Variants in ATG10 observed in about 807,000 individuals in gnomAD.
ATG10 encodes ubiquitin-like-conjugating enzyme ATG10.
A neutral mutation model predicts 32.1 loss-of-function variants in ATG10; 30 were observed. The observed-to-expected ratio is 0.94, with a 90% CI of 0.70 to 1.27. The LOEUF (loss-of-function observed/expected upper bound fraction) is 1.27, where lower values mean the gene tolerates loss of function less well. ATG10 is among the 50% of genes most tolerant of loss of function. The pLI is 0.00. For synonymous variants in ATG10, 87 were observed against 91.5 expected (o/e 0.95, Z 0.28); for missense variants, 233 against 262.3 (o/e 0.89, Z 0.77).
At chr5:82,187,889 A>G (rs891703757) in intron 5 of ATG10, among the ~76,000 whole-genome samples, 4 of 152,138 alleles carry the variant, frequency 2.6e-5, no homozygotes, top group African/African-American at 7.2e-5. Context: ...CACCTGGCCA[A>G]TGACTTATTT....
At chr5:82,241,920 CAGGCAG>C (rs1746820610) in intron 5 of ATG10, among the ~76,000 whole-genome samples, 1 of 152,012 alleles carries the variant, frequency 6.6e-6, no homozygotes, top group Admixed American at 6.5e-5. Context: ...TCCTAGGTAC[CAGGCAG>C]AAGCATATAT....
chr5:82,217,852 C>A (rs1173778209), intron 5 of ATG10, among the ~76,000 whole-genome samples: 1 of 151,574 alleles, frequency 6.6e-6, no homozygotes, highest in East Asian at 1.9e-4. Flanking sequence ...TAGTGTGCAC[C>A]TGTGGTTCTA....
rs1581855655 is a variant in ATG10 at position 82,255,269 on chromosome 5, A to T, written c.*1206A>T. 2.6e-5 allele frequency: 4 copies of T among 152,162 alleles called. No individual in the cohort carries two copies. The South Asian group carries it at 8.3e-4, about 32-fold the overall frequency. 9.4% of individuals were successfully genotyped at this position (152,162 alleles called of 1,614,324 possible). ...CATGAGATCATTAATGCATGATAAGATATTGTAAAGTATTATACGAATATT... is the reference window on the plus strand; with the variant it reads ...CATGAGATCATTAATGCATGATAAGTTATTGTAAAGTATTATACGAATATT... On this transcript the variant is annotated 3_prime_UTR_variant, in exon 8 of 8. Transcript: ENST00000282185.
chr5:82,019,330 A>G (rs1181551908), intron 2 of ATG10, among the ~76,000 whole-genome samples: 1 of 152,142 alleles, frequency 6.6e-6, no homozygotes, highest in Non-Finnish European at 1.5e-5. Flanking sequence ...TTCTATAATG[A>G]TATGCAGCAT....
intron 2 of ATG10, among the ~76,000 whole-genome samples, chr5:81,988,963 C>G (rs1254317731): frequency 6.6e-6 from 1 of 152,040 alleles, no homozygotes; most frequent in Non-Finnish European, 1.5e-5. Flanking sequence ...CAAGTAGTAG[C>G]TGGGATTTTA....
chr5:82,105,016 G>C (rs1050764762), intron 3 of ATG10, among the ~76,000 whole-genome samples: 2 of 152,066 alleles, frequency 1.3e-5, no homozygotes, highest in Non-Finnish European at 2.9e-5. Flanking sequence ...TTATTGTGGC[G>C]AACACCTAAC....
chr5:82,212,976 A>G (rs753034701), intron 5 of ATG10, among the ~76,000 whole-genome samples: 49 of 152,326 alleles, frequency 3.2e-4, no homozygotes, highest in Middle Eastern at 3.4e-3. Flanking sequence ...TAAACCAGCA[A>G]TACGATAATT....
At chr5:82,082,220 C>A (rs534414852) in intron 3 of ATG10, among the ~76,000 whole-genome samples, 1 of 152,128 alleles carries the variant, frequency 6.6e-6, no homozygotes, top group Non-Finnish European at 1.5e-5. Context: ...AGCTCCTGCC[C>A]TCTAAACATC....
At chr5:82,203,643 A>G (rs1745165312) in intron 5 of ATG10, among the ~76,000 whole-genome samples, 1 of 152,102 alleles carries the variant, frequency 6.6e-6, no homozygotes, top group East Asian at 1.9e-4. Flanking sequence ...TTTGTCTGTA[A>G]GCCAGGGGAG....
At chr5:82,156,514 G>T (rs990372445) in intron 3 of ATG10, among the ~76,000 whole-genome samples, 6 of 152,078 alleles carry the variant, frequency 3.9e-5, no homozygotes, top group Non-Finnish European at 7.4e-5. Flanking sequence ...TTGTGCCCTG[G>T]CTCAGTTTCT....
intron 1 of ATG10, among the ~76,000 whole-genome samples, chr5:81,984,548 T>C (rs533065878): frequency 1.7e-3 from 262 of 152,368 alleles, no homozygotes; most frequent in African/African-American, 6.1e-3. Context: ...TAGTTTAAGA[T>C]AGCTTAAGTC....
At chr5:82,153,308 C>T (rs1767675479) in intron 3 of ATG10, among the ~76,000 whole-genome samples, 1 of 151,982 alleles carries the variant, frequency 6.6e-6, no homozygotes, top group Non-Finnish European at 1.5e-5. Context: ...GTGTGCTGTC[C>T]ATGCATATAC....
intron 5 of ATG10, among the ~76,000 whole-genome samples, chr5:82,179,123 T>A (rs1409321279): frequency 1.3e-5 from 2 of 152,136 alleles, no homozygotes; most frequent in East Asian, 3.9e-4. Context: ...AATACTTGAC[T>A]GAAAGTGAAA....
At chr5:82,162,697 G>A (rs573904750) in intron 3 of ATG10, among the ~76,000 whole-genome samples, 12 of 152,102 alleles carry the variant, frequency 7.9e-5, no homozygotes, top group Non-Finnish European at 1.8e-4. Flanking sequence ...CTATGGTGTG[G>A]TCATGCAGTG....
intron 3 of ATG10, among the ~76,000 whole-genome samples, chr5:82,140,728 A>G (rs1347600099): frequency 5.3e-5 from 1 of 18,870 alleles, no homozygotes; most frequent in Non-Finnish European, 1.1e-4. Flanking sequence ...AGGTGTACCC[A>G]ACAGCTCATT....
At chr5:82,200,981 C>T (rs139357105) in intron 5 of ATG10, among the ~76,000 whole-genome samples, 166 of 151,872 alleles carry the variant, frequency 1.1e-3, no homozygotes, top group African/African-American at 3.9e-3. Context: ...GCTCCCCGGG[C>T]TCAAGCAATT....
chr5:82,056,429 G>GTTTTTTT (rs375167558), intron 2 of ATG10, among the ~76,000 whole-genome samples: 1 of 125,390 alleles, frequency 8.0e-6, no homozygotes, highest in African/African-American at 3.0e-5. Flanking sequence ...TGGCTGCCAG[G>GTTTTTTT]TTTTTTTTTT....
chr5:82,004,568 A>G (rs1045630239), intron 2 of ATG10, among the ~76,000 whole-genome samples: 2 of 152,192 alleles, frequency 1.3e-5, no homozygotes, highest in African/African-American at 4.8e-5. Flanking sequence ...TGTGTCTCAA[A>G]TTTCTAGGAT....
At chr5:82,108,597 A>G (rs1765511150) in intron 3 of ATG10, among the ~76,000 whole-genome samples, 1 of 152,074 alleles carries the variant, frequency 6.6e-6, no homozygotes, top group South Asian at 2.1e-4. Context: ...TAGCATAGTC[A>G]GAGCTGAGGT....
Sources: allele counts gnomAD v4.1 joint callset (sites outside exome capture counted in the v4.1 genomes callset), GRCh38; gene constraint gnomAD v4.1.1; transcripts MANE v1.5; gene names NCBI Gene and HGNC (gene_info 2026-07-23, HGNC 2026-07-21).